SIPA1L2: variants seen among roughly 807,000 people sequenced by gnomAD.
The protein encoded by SIPA1L2 is signal induced proliferation associated 1 like 2.
Under a neutral mutation model 163.9 loss-of-function variants are expected in SIPA1L2, and 56 were observed. That is an observed-to-expected ratio of 0.34 (90% CI 0.28 to 0.43). SIPA1L2 has a LOEUF of 0.43. Among genes scored for constraint, SIPA1L2 ranks in the 20% least tolerant of loss-of-function variants. The pLI, the probability that SIPA1L2 is intolerant of heterozygous loss-of-function variation, is 1.00. For missense variants in SIPA1L2, 1,974 were observed against 2,193.5 expected (o/e 0.90, Z 2.00); for synonymous variants, 877 against 865.7 (o/e 1.01, Z -0.23).
At chr1:232,486,251 T>C (rs1665642859) in intron 5 of SIPA1L2, among the ~76,000 whole-genome samples, 1 of 152,174 alleles carries the variant, frequency 6.6e-6, no homozygotes, top group African/African-American at 2.4e-5. Flanking sequence ...TCGGAGAGCC[T>C]TGTGGGCTTG....
chr1:232,403,394 T>G, intron 21 of SIPA1L2, 54 bp downstream of exon 21: 1 of 1,586,458 alleles, frequency 6.3e-7, no homozygotes, highest in Non-Finnish European at 8.6e-7. Context: ...AGCCGAATCT[T>G]GGCTAATCAT....
At chr1:232,496,372 G>C (rs1010665832) in intron 3 of SIPA1L2, among the ~76,000 whole-genome samples, 5 of 152,142 alleles carry the variant, frequency 3.3e-5, no homozygotes, top group African/African-American at 4.8e-5. Flanking sequence ...ACACTCTACA[G>C]CATTTGCACA....
intron 5 of SIPA1L2, among the ~76,000 whole-genome samples, chr1:232,484,691 G>A (rs1665558312): frequency 6.6e-6 from 1 of 152,144 alleles, no homozygotes; most frequent in Non-Finnish European, 1.5e-5. Flanking sequence ...GGTTCATGTT[G>A]GAAGCCATGG....
chr1:232,600,281 A>C (rs1268429334), intron 1 of SIPA1L2, among the ~76,000 whole-genome samples: 4 of 149,374 alleles, frequency 2.7e-5, no homozygotes, highest in African/African-American at 9.8e-5. Context: ...TAGTAGCAGA[A>C]TTAGAAAACA....
chr1:232,487,970 T>C (rs1240514248), intron 5 of SIPA1L2, among the ~76,000 whole-genome samples: 4 of 151,688 alleles, frequency 2.6e-5, no homozygotes, highest in Non-Finnish European at 2.9e-5. Context: ...ACATATTTTT[T>C]TGAGACAGAG....
At chr1:232,535,452 T>C (rs977467219) in intron 2 of SIPA1L2, among the ~76,000 whole-genome samples, 1 of 152,162 alleles carries the variant, frequency 6.6e-6, no homozygotes, top group African/African-American at 2.4e-5. Flanking sequence ...ATGTTCTTCA[T>C]TGGCAAAATG....
At chr1:232,432,591 A>T in intron 15 of SIPA1L2, 120 bp from the exon 16 acceptor site, 1 of 855,242 alleles carries the variant, frequency 1.2e-6, no homozygotes, top group Admixed American at 2.4e-5. Context: ...AATCGGGCCC[A>T]GTGAGGCAGA....
At chr1:232,573,375 G>C (rs1018886752) in intron 2 of SIPA1L2, among the ~76,000 whole-genome samples, 2 of 152,194 alleles carry the variant, frequency 1.3e-5, no homozygotes, top group Non-Finnish European at 1.5e-5. Context: ...CTATCGCACT[G>C]AAGTGCTTAG....
chr1:232,509,070 CA>C (rs1558232214), intron 3 of SIPA1L2, among the ~76,000 whole-genome samples: 1 of 152,218 alleles, frequency 6.6e-6, no homozygotes, highest in Admixed American at 6.5e-5. Context: ...CCAGCCTGGG[CA>C]ACAGAGCGAG....
intron 2 of SIPA1L2, among the ~76,000 whole-genome samples, chr1:232,565,260 GGTT>G (rs776410201): frequency 5.3e-5 from 8 of 152,336 alleles, no homozygotes; most frequent in Non-Finnish European, 7.3e-5. Context: ...TGGCAAACCA[GGTT>G]GTTGTCTAAC....
chr1:232,626,013 T>C (rs1663057704), intron 1 of SIPA1L2, among the ~76,000 whole-genome samples: 1 of 152,132 alleles, frequency 6.6e-6, no homozygotes. Flanking sequence ...ACGAGTGGGG[T>C]AATTTTAACA....
At chr1:232,543,878 CAT>C (rs577420419) in intron 2 of SIPA1L2, among the ~76,000 whole-genome samples, 27 of 152,180 alleles carry the variant, frequency 1.8e-4, no homozygotes, top group Non-Finnish European at 3.4e-4. Flanking sequence ...AAAAACAAAA[CAT>C]ATAAAATATA....
At chr1:232,585,697 T>C (rs1428569450) in intron 1 of SIPA1L2, among the ~76,000 whole-genome samples, 1 of 152,164 alleles carries the variant, frequency 6.6e-6, no homozygotes, top group Admixed American at 6.5e-5. Context: ...AGCCTCATTC[T>C]CCATAACAAG....
intron 16 of SIPA1L2, among the ~76,000 whole-genome samples, chr1:232,429,142 T>G (rs570721462): frequency 2.3e-4 from 35 of 152,064 alleles, no homozygotes; most frequent in Non-Finnish European, 4.0e-4. Context: ...AACAAAGGAG[T>G]GTCAAGCTGA....
intron 8 of SIPA1L2, among the ~76,000 whole-genome samples, chr1:232,466,607 G>A (rs762395357): frequency 2.6e-5 from 4 of 152,068 alleles, no homozygotes; most frequent in South Asian, 2.1e-4. Flanking sequence ...TAGCTAGCAC[G>A]GTGAAACCCC....
At chr1:232,612,302 C>G (rs1395356061) in intron 1 of SIPA1L2, among the ~76,000 whole-genome samples, 1 of 152,218 alleles carries the variant, frequency 6.6e-6, no homozygotes, top group Non-Finnish European at 1.5e-5. Flanking sequence ...CCTACTGGGG[C>G]ACTGCCTAGT....
intron 5 of SIPA1L2, among the ~76,000 whole-genome samples, chr1:232,484,841 T>C (rs1022260673): frequency 3.3e-5 from 5 of 152,368 alleles, no homozygotes; most frequent in African/African-American, 9.6e-5. Flanking sequence ...GGCTGACAGA[T>C]TATCAGACAT....
intron 1 of SIPA1L2, among the ~76,000 whole-genome samples, chr1:232,629,458 G>C (rs1278842316): frequency 6.6e-6 from 1 of 152,256 alleles, no homozygotes; most frequent in Non-Finnish European, 1.5e-5. Flanking sequence ...TAGCCCCGCA[G>C]CAAGTTCGGC....
intron 4 of SIPA1L2, among the ~76,000 whole-genome samples, chr1:232,493,166 C>T (rs116106134): frequency 1.8e-3 from 278 of 152,226 alleles, no homozygotes; most frequent in African/African-American, 6.4e-3. Context: ...ATAAGATGTG[C>T]TTGCTTCCAC....
Sources: allele counts gnomAD v4.1 joint callset (sites outside exome capture counted in the v4.1 genomes callset), GRCh38; gene constraint gnomAD v4.1.1; transcripts MANE v1.5; gene names NCBI Gene and HGNC (gene_info 2026-07-23, HGNC 2026-07-21).